Variants in PRKDC observed in about 807,000 individuals in gnomAD.
The protein encoded by PRKDC is protein kinase, DNA-activated, catalytic subunit, also known as DNA-dependent protein kinase catalytic subunit.
In PRKDC, 82 loss-of-function variants were observed where a neutral mutation model predicts 486.9. That is an observed-to-expected ratio of 0.17 (90% CI 0.14 to 0.20). PRKDC has a LOEUF of 0.20. Ranked by LOEUF, PRKDC falls within the 10% of genes least tolerant of loss-of-function variation. The pLI, the probability that PRKDC is intolerant of heterozygous loss-of-function variation, is 1.00. For missense variants in PRKDC, 4,504 were observed against 5,038.2 expected, an observed-to-expected ratio of 0.89 and a Z score of 3.21; for synonymous variants, 1,895 against 1,837.0, an observed-to-expected ratio of 1.03 and a Z score of -0.81.
intron 76 of PRKDC, among the ~76,000 whole-genome samples, chr8:47,788,316 G>C (rs1018806154): frequency 1.3e-5 from 2 of 152,220 alleles, no homozygotes; most frequent in Admixed American, 1.3e-4. Context: ...AGGCTGCAAA[G>C]GTGTAGCAAC....
chr8:47,883,394 C>T (rs1012345736), intron 36 of PRKDC, among the ~76,000 whole-genome samples: 7 of 152,168 alleles, frequency 4.6e-5, no homozygotes, highest in East Asian at 1.9e-4. Flanking sequence ...ATGTGCTCCA[C>T]GTGGAGCTGT....
intron 68 of PRKDC, among the ~76,000 whole-genome samples, chr8:47,816,889 A>C (rs760866424): frequency 1.6e-4 from 25 of 152,004 alleles, no homozygotes; most frequent in Non-Finnish European, 3.2e-4. Flanking sequence ...AGAGTCCTTA[A>C]GTCCTATTTC....
intron 52 of PRKDC, among the ~76,000 whole-genome samples, chr8:47,851,910 C>T (rs975010891): frequency 2.0e-5 from 3 of 152,100 alleles, no homozygotes; most frequent in Admixed American, 6.5e-5. Flanking sequence ...GAACCTGAAA[C>T]CCACCACCCT....
At chr8:47,875,334 G>A (rs1355595582) in intron 40 of PRKDC, among the ~76,000 whole-genome samples, 1 of 152,118 alleles carries the variant, frequency 6.6e-6, no homozygotes, top group East Asian at 1.9e-4. Context: ...GACAAACTGT[G>A]GTTCTTCCTT....
Position 47,782,533 on chromosome 8 carries a change from T to G in PRKDC, c.11241A>C (p.Glu3747Asp), listed in dbSNP as rs376836064. 5 of 1,575,320 alleles carry G rather than the reference T, an allele frequency of 3.2e-6. No homozygotes were observed. The highest frequency in any genetic ancestry group is 1.7e-4 in the Middle Eastern group (1 of 6,040). The part of the protein sequence containing the change: ...RIIIRGHDER[E>D]HPFLVKGGED... ...CGCCACCCTTCACCAGGAAAGGGTG[T>G]TCCCTCTCGTCATGGCCACGGATGA... Residue 3747 changes from glutamate (E) to aspartate (D), a missense_variant, in exon 79 of 86, where the codon GAA becomes GAC. Glu to Asp is a conservative substitution (Grantham distance 45). Coordinates refer to ENST00000314191, the MANE Select transcript of PRKDC (RefSeq NM_006904.7). The surrounding 1 kb of genome is among the most constrained non-coding windows in gnomAD (Gnocchi z 4.9).
At position 47,800,852 on chromosome 8, in the gene PRKDC, C is replaced by T. The variant is rs749604947; in HGVS notation, c.10057G>A (p.Glu3353Lys). ...TCTAAGATTCTTCTAGCCTTGTCCT[C>T]CTCGATTTCAGCAAGGCAGGCTGGC... ...SEPACLAEIE[E>K]DKARRILELS... is the part of the protein sequence containing the mutation. Residue 3353 changes from glutamate to lysine, a missense_variant, in exon 71 of 86, where the codon GAG (glutamate) becomes AAG (lysine). By Grantham distance (56) the Glu-to-Lys change is moderately conservative (BLOSUM62 1). Around this residue, in one of 6 missense-constraint regions of PRKDC, gnomAD observed 1,592 missense variants for 1,724.6 expected, o/e 0.92. Transcript: ENST00000314191. The T allele has an allele frequency of 1.2e-6, 2 of 1,613,382 alleles. No individual in the cohort carries two copies. The highest frequency in any genetic ancestry group is 1.7e-6 in the Non-Finnish European group (2 of 1,179,656).
chr8:47,791,673 C>A (rs542762810), intron 74 of PRKDC, among the ~76,000 whole-genome samples: 1 of 152,216 alleles, frequency 6.6e-6, no homozygotes, highest in South Asian at 2.1e-4. Flanking sequence ...ATCAAAACCA[C>A]AACGAGGTAT....
intron 40 of PRKDC, among the ~76,000 whole-genome samples, chr8:47,875,053 CA>C (rs2089062034): frequency 1.3e-5 from 2 of 151,316 alleles, no homozygotes. Flanking sequence ...ACCTTGCATC[CA>C]AAAAAACAAA....
At chr8:47,842,743 G>A (rs1206443225) in intron 54 of PRKDC, among the ~76,000 whole-genome samples, 1 of 152,144 alleles carries the variant, frequency 6.6e-6, no homozygotes, top group Non-Finnish European at 1.5e-5. Context: ...GATTGAAATG[G>A]CTGAAATGAC....
intron 21 of PRKDC, among the ~76,000 whole-genome samples, chr8:47,919,024 G>A (rs1226801327): frequency 6.6e-6 from 1 of 151,664 alleles, no homozygotes; most frequent in East Asian, 1.9e-4. Flanking sequence ...CTTTCCTGAA[G>A]CACTGAGGGT....
chr8:47,791,397 C>T (rs569223673), intron 74 of PRKDC, among the ~76,000 whole-genome samples: 9 of 152,246 alleles, frequency 5.9e-5, no homozygotes, highest in African/African-American at 2.2e-4. Context: ...ATCGCTTGAA[C>T]CCGGGAGGCG....
At chr8:47,958,559 G>A (rs544499087) in intron 1 of PRKDC, among the ~76,000 whole-genome samples, 2 of 151,992 alleles carry the variant, frequency 1.3e-5, no homozygotes, top group African/African-American at 2.4e-5. Context: ...ATAAATGGAA[G>A]GTAAACTTGG....
At chr8:47,823,428 G>A (rs1328899359) in intron 64 of PRKDC, among the ~76,000 whole-genome samples, 3 of 151,564 alleles carry the variant, frequency 2.0e-5, no homozygotes, top group Admixed American at 6.6e-5. Flanking sequence ...ATGCATAAAA[G>A]CTTCCCAAGG....
At chr8:47,817,674 GTCCTTTCTTTTACAAAAGGAACACAA>G (rs2087478757) in intron 67 of PRKDC, 113 bp from the exon 68 acceptor site, 2 of 645,328 alleles carry the variant, frequency 3.1e-6, no homozygotes, top group South Asian at 5.1e-5. Flanking sequence ...TTACAAAAAA[GTCCTTTCTTTTACAAAAGGAACACAA>G]AGTTACCATA....
intron 11 of PRKDC, 57 bp downstream of exon 11, chr8:47,939,494 T>C (rs2090405579): frequency 6.5e-7 from 1 of 1,547,064 alleles, no homozygotes; most frequent in South Asian, 1.2e-5. Context: ...ATGAATTAGA[T>C]TCCTTTAAAC....
intron 80 of PRKDC, among the ~76,000 whole-genome samples, chr8:47,779,740 C>A (rs1476234459): frequency 6.6e-6 from 1 of 151,916 alleles, no homozygotes; most frequent in East Asian, 1.9e-4. Context: ...CAGGCAAATG[C>A]CACCATGCTC....
chr8:47,852,828 C>T, intron 51 of PRKDC, 44 bp from the exon 52 acceptor site: 1 of 1,233,882 alleles, frequency 8.1e-7, no homozygotes, highest in Admixed American at 2.2e-5. Context: ...ATAAACCATT[C>T]TGTTGTTCCA....
intron 49 of PRKDC, among the ~76,000 whole-genome samples, chr8:47,856,691 T>G (rs907345625): frequency 6.6e-6 from 1 of 152,152 alleles, no homozygotes; most frequent in African/African-American, 2.4e-5. Flanking sequence ...CAACATAACA[T>G]GGTGTTATCA....
rs753869811 is a variant in PRKDC at position 47,828,152 on chromosome 8, T to C, written c.8577+16A>G. 7 of 1,603,734 alleles carry C rather than the reference T, an allele frequency of 4.4e-6. No homozygotes were observed. The highest frequency in any genetic ancestry group is 1.1e-5 in the South Asian group (1 of 89,688). On this transcript the variant is annotated intron_variant, in intron 62 of 85. Coordinates refer to ENST00000314191, the MANE Select transcript of PRKDC (RefSeq NM_006904.7). ...AGCAAACAATGTATATTTGATGAAGTGTGTGCAGACTTTACCTGAATACAA... is the reference window on the plus strand; with the variant it reads ...AGCAAACAATGTATATTTGATGAAGCGTGTGCAGACTTTACCTGAATACAA...
Sources: allele counts gnomAD v4.1 joint callset (sites outside exome capture counted in the v4.1 genomes callset), GRCh38; gene constraint gnomAD v4.1.1; regional missense constraint gnomAD v4.1.1; non-coding constraint Gnocchi (gnomAD v3.1); transcripts MANE v1.5; gene names NCBI Gene and HGNC (gene_info 2026-07-23, HGNC 2026-07-21).